Variants in AREL1 observed in about 807,000 individuals in gnomAD.
The protein encoded by AREL1 is apoptosis-resistant E3 ubiquitin protein ligase 1.
Under a neutral mutation model 99.0 loss-of-function variants are expected in AREL1, and 62 were observed. That is an observed-to-expected ratio of 0.63 (90% confidence interval 0.51 to 0.77). The LOEUF is 0.77. Ranked by LOEUF, AREL1 falls within the 30% of genes least tolerant of loss-of-function variation. The pLI is 0.00. For synonymous variants in AREL1, 380 were observed against 376.5 expected, an observed-to-expected ratio of 1.01 and a Z score of -0.11; for missense variants, 879 against 1,027.6, an observed-to-expected ratio of 0.86 and a Z score of 1.98.
intron 1 of AREL1, among the ~76,000 whole-genome samples, chr14:74,703,517 T>C (rs2090122753): frequency 6.6e-6 from 1 of 152,208 alleles, no homozygotes; most frequent in Admixed American, 6.5e-5. Context: ...ATGTTAAGTT[T>C]GGAGTGTCTA....
At chr14:74,705,105 T>C (rs1382156233) in intron 1 of AREL1, among the ~76,000 whole-genome samples, 3 of 151,256 alleles carry the variant, frequency 2.0e-5, no homozygotes, top group Admixed American at 2.0e-4. Context: ...AATGGCACCA[T>C]CTCGGCTCAC....
chr14:74,690,264 CAAA>C (rs5809676), intron 2 of AREL1, among the ~76,000 whole-genome samples: 41 of 73,118 alleles, frequency 5.6e-4, no homozygotes, highest in Admixed American at 3.2e-3. Flanking sequence ...ACCCTGTCTC[CAAA>C]AAAAAAAAAA....
At chr14:74,695,006 AAAAG>A (rs1263360558) in intron 1 of AREL1, among the ~76,000 whole-genome samples, 5 of 150,680 alleles carry the variant, frequency 3.3e-5, no homozygotes, top group African/African-American at 4.9e-5. Context: ...AAAAAAAAAA[AAAAG>A]AAAGAAAGAA....
chr14:74,676,024 C>T (rs2089465005), intron 7 of AREL1, 78 bp from the exon 8 acceptor site: 1 of 1,544,022 alleles, frequency 6.5e-7, no homozygotes, highest in Admixed American at 1.9e-5. Flanking sequence ...TTTTAGTCCA[C>T]AGGACAAGCC....
At position 74,675,723 on chromosome 14, in the gene AREL1, C is replaced by T; in HGVS notation, c.1056G>A (p.Lys352=). ...HTPEKVKKPK[K]VYCYVSPKQF... ...CCTTTGGTGACACATAGCAGTACAC[C>T]TTCTTCGGTTTCTTCACCTTCTCAG... Residue 352 remains lysine, a synonymous_variant, in exon 8 of 20, where the codon AAG becomes AAA. Transcript: ENST00000356357. The T allele has an allele frequency of 6.2e-7, 1 of 1,614,086 alleles. No homozygotes were observed. The highest frequency in any genetic ancestry group is 8.5e-7 in the Non-Finnish European group (1 of 1,180,002).
intron 1 of AREL1, among the ~76,000 whole-genome samples, chr14:74,711,647 G>C (rs1014875719): frequency 6.6e-6 from 1 of 152,142 alleles, no homozygotes; most frequent in African/African-American, 2.4e-5. Context: ...AAAACACTCT[G>C]AGTAGTCTGG....
At chr14:74,676,069 A>G in intron 7 of AREL1, 72 bp downstream of exon 7, 1 of 1,563,402 alleles carries the variant, frequency 6.4e-7, no homozygotes, top group South Asian at 1.2e-5. Context: ...TTGTGAGGTC[A>G]GACAAAAGAG....
chr14:74,682,871 T>C (rs1425205375), intron 5 of AREL1, among the ~76,000 whole-genome samples: 2 of 152,258 alleles, frequency 1.3e-5, no homozygotes, highest in African/African-American at 4.8e-5. Context: ...TCGCGAGGCC[T>C]CACCAGAAGC....
At chr14:74,702,720 G>T (rs2090108876) in intron 1 of AREL1, among the ~76,000 whole-genome samples, 1 of 152,098 alleles carries the variant, frequency 6.6e-6, no homozygotes. Context: ...CCACTGTCAG[G>T]CTGCAAATTT....
At chr14:74,687,482 A>G (rs190871855) in intron 2 of AREL1, among the ~76,000 whole-genome samples, 65 of 152,290 alleles carry the variant, frequency 4.3e-4, no homozygotes, top group African/African-American at 1.5e-3. Context: ...TATGACTTCA[A>G]TGCAACTCCC....
In AREL1 at chr14:74,662,751, G is replaced by A; in HGVS notation, c.*969C>T. On this transcript the variant is annotated 3_prime_UTR_variant, in exon 20 of 20. Coordinates refer to ENST00000356357, the MANE Select transcript of AREL1 (RefSeq NM_001039479.2). ...GCTGCCAGAGAACACCAAGCAGAGA[G>A]AGAATCAGGGATTGCTGGCATACTA... 2.5e-6 allele frequency: 1 copy of A among 397,068 alleles called. No individual in the cohort carries two copies. Among genetic ancestry groups the A allele is most frequent in the Non-Finnish European group, 4.4e-6 (1 of 225,364 alleles). 24.6% of individuals were successfully genotyped at this position (397,068 alleles called of 1,614,324 possible).
chr14:74,695,756 G>C (rs2089970426), intron 1 of AREL1, among the ~76,000 whole-genome samples: 1 of 152,186 alleles, frequency 6.6e-6, no homozygotes, highest in African/African-American at 2.4e-5. Context: ...ACACTGACCA[G>C]GTCATAACAT....
intron 2 of AREL1, among the ~76,000 whole-genome samples, chr14:74,686,628 T>G (rs2089754185): frequency 1.3e-5 from 2 of 152,162 alleles, no homozygotes; most frequent in Non-Finnish European, 2.9e-5. Flanking sequence ...AGCTAAAAAT[T>G]TCTAGGCTCA....
intron 15 of AREL1, among the ~76,000 whole-genome samples, chr14:74,668,464 C>T (rs1468747184): frequency 2.6e-5 from 4 of 151,558 alleles, no homozygotes; most frequent in Non-Finnish European, 5.9e-5. Flanking sequence ...ATGCACAATC[C>T]TGGATTTTTT....
intron 1 of AREL1, among the ~76,000 whole-genome samples, chr14:74,707,437 C>A (rs993114680): frequency 3.4e-5 from 5 of 148,982 alleles, no homozygotes; most frequent in Admixed American, 6.7e-5. Flanking sequence ...CCAAGGTGGG[C>A]GGATTACGAG....
chr14:74,677,376 G>T (rs1365159276), intron 5 of AREL1, among the ~76,000 whole-genome samples: 3 of 151,700 alleles, frequency 2.0e-5, no homozygotes, highest in Admixed American at 1.3e-4. Context: ...TCATGCCTGT[G>T]TCCCAGCTAC....
chr14:74,699,095 C>T (rs2090029453), intron 1 of AREL1, among the ~76,000 whole-genome samples: 1 of 152,144 alleles, frequency 6.6e-6, no homozygotes, highest in African/African-American at 2.4e-5. Flanking sequence ...TGGTTAAGAG[C>T]ATGAATCTTA....
intron 5 of AREL1, chr14:74,678,135 C>T (rs886065349): frequency 2.2e-6 from 1 of 447,864 alleles, no homozygotes. Context: ...AACTAGAATA[C>T]TAAAACAATT....
At position 74,662,455 on chromosome 14, in the gene AREL1, A is replaced by G. The variant is rs147148297; in HGVS notation, c.*1265T>C. 19 of 397,972 alleles carry G rather than the reference A, an allele frequency of 4.8e-5. No individual in the cohort carries two copies. The highest frequency in any genetic ancestry group is 3.9e-4 in the African/African-American group (19 of 48,604). 24.7% of individuals were successfully genotyped at this position (397,972 alleles called of 1,614,324 possible). On this transcript the variant is annotated 3_prime_UTR_variant, in exon 20 of 20. Coordinates refer to ENST00000356357, the MANE Select transcript of AREL1 (RefSeq NM_001039479.2). ...AAGTCAATGAGATTTTGAATCTTGA[A>G]ATTATTTTCAATCAAACAGTAATGA... is the stretch of plus-strand genomic sequence containing the variant.
Sources: allele counts gnomAD v4.1 joint callset (sites outside exome capture counted in the v4.1 genomes callset), GRCh38; gene constraint gnomAD v4.1.1; transcripts MANE v1.5; gene names NCBI Gene and HGNC (gene_info 2026-07-23, HGNC 2026-07-21).